DMXL1: variants seen among roughly 807,000 people sequenced by gnomAD.
DMXL1 encodes Dmx like 1.
DMXL1 carries 99 observed loss-of-function variants against 319.2 expected under a neutral mutation model. The ratio of observed to expected loss-of-function variants is 0.31; its 90% confidence interval spans 0.26 to 0.37. DMXL1 has a LOEUF of 0.37. Ranked by LOEUF, DMXL1 falls within the 10% of genes least tolerant of loss-of-function variation. The pLI is 1.00. For missense variants in DMXL1, 3,745 were observed against 3,595.6 expected, an observed-to-expected ratio of 1.04 and a Z score of -1.06; for synonymous variants, 1,385 against 1,235.2, an observed-to-expected ratio of 1.12 and a Z score of -2.54.
intron 19 of DMXL1, among the ~76,000 whole-genome samples, chr5:119,163,535 G>C (rs992014915): frequency 3.3e-5 from 5 of 152,272 alleles, no homozygotes; most frequent in Admixed American, 3.3e-4. Flanking sequence ...TTCTGCCTCA[G>C]CTTCTTGAGT....
intron 19 of DMXL1, among the ~76,000 whole-genome samples, chr5:119,158,560 C>T (rs1226666762): frequency 5.3e-5 from 8 of 152,164 alleles, no homozygotes; most frequent in Non-Finnish European, 1.2e-4. Context: ...TGTCCTCTTT[C>T]TGATCTTAGA....
chr5:119,226,412 C>T (rs1180890795), intron 38 of DMXL1, among the ~76,000 whole-genome samples: 1 of 152,078 alleles, frequency 6.6e-6, no homozygotes, highest in Non-Finnish European at 1.5e-5. Flanking sequence ...GTTTTCTTTC[C>T]TTGGAATAGA....
intron 5 of DMXL1, among the ~76,000 whole-genome samples, chr5:119,111,517 A>G (rs1759590952): frequency 6.6e-6 from 1 of 152,204 alleles, no homozygotes; most frequent in African/African-American, 2.4e-5. Flanking sequence ...AACATTTGTC[A>G]TTTATGTTAT....
Position 119,071,634 on chromosome 5 carries a change from G to T in DMXL1, c.65G>T (p.Ser22Ile). The T allele has an allele frequency of 6.3e-7, 1 of 1,597,338 alleles. No individual in the cohort carries two copies. The highest frequency in any genetic ancestry group is 8.5e-7 in the Non-Finnish European group (1 of 1,172,456). The change falls in exon 1 of 44, where the codon AGC (serine) becomes ATC (isoleucine). Residue 22 changes from serine to isoleucine, a missense_variant. Ser to Ile is a moderately radical substitution (Grantham distance 142, BLOSUM62 -2). This residue lies in a region of DMXL1 where 2,096 missense variants were observed against 1,985.4 expected (regional missense o/e 1.06). Transcript: ENST00000539542. Reference protein sequence around the residue: ...NPGDHCFSVGSIGDQRFTAYA... With the variant: ...NPGDHCFSVGIIGDQRFTAYA... ...GGCGACCACTGCTTCTCCGTGGGCA[G>T]CATTGGCGACCAGCGCTTCACGGTG...
At chr5:119,172,470 C>T (rs1388021377) in intron 25 of DMXL1, among the ~76,000 whole-genome samples, 1 of 152,126 alleles carries the variant, frequency 6.6e-6, no homozygotes, top group African/African-American at 2.4e-5. Flanking sequence ...TGTTAAAAGT[C>T]TGGATTCTCA....
chr5:119,190,556 A>T (rs1236841921), intron 29 of DMXL1, among the ~76,000 whole-genome samples: 1 of 152,204 alleles, frequency 6.6e-6, no homozygotes, highest in Non-Finnish European at 1.5e-5. Flanking sequence ...GATAGTGTAC[A>T]AAATTGGATT....
intron 4 of DMXL1, among the ~76,000 whole-genome samples, chr5:119,109,553 C>G (rs1029128041): frequency 6.6e-6 from 1 of 152,168 alleles, no homozygotes; most frequent in African/African-American, 2.4e-5. Flanking sequence ...TTTTTTCTAG[C>G]CTATCTGTGT....
chr5:119,232,435 C>T (rs562432460), intron 38 of DMXL1, among the ~76,000 whole-genome samples: 18 of 152,090 alleles, frequency 1.2e-4, no homozygotes, highest in African/African-American at 4.1e-4. Context: ...TTTTTTACTA[C>T]CTCCATACCA....
chr5:119,112,695 G>A (rs1023432749), intron 5 of DMXL1, among the ~76,000 whole-genome samples: 9 of 152,108 alleles, frequency 5.9e-5, no homozygotes, highest in African/African-American at 2.2e-4. Flanking sequence ...GGTGGCTCAC[G>A]CCTGTAATCT....
chr5:119,217,317 A>C (rs1019030812), intron 35 of DMXL1, among the ~76,000 whole-genome samples: 1 of 152,176 alleles, frequency 6.6e-6, no homozygotes, highest in Non-Finnish European at 1.5e-5. Context: ...GAATATGTCA[A>C]ATGTGGTTCT....
At chr5:119,109,078 G>A (rs1031570484) in intron 4 of DMXL1, among the ~76,000 whole-genome samples, 1 of 152,164 alleles carries the variant, frequency 6.6e-6, no homozygotes, top group Non-Finnish European at 1.5e-5. Context: ...TGGGATTGCA[G>A]GTGTGAGCCA....
chr5:119,216,824 A>G, intron 34 of DMXL1, 77 bp from the exon 35 acceptor site: 3 of 759,628 alleles, frequency 3.9e-6, no homozygotes, highest in Admixed American at 2.3e-5. Context: ...TGCAAGTACT[A>G]ATTGATAGAT....
chr5:119,165,109 A>G, intron 20 of DMXL1, 74 bp from the exon 21 acceptor site: 1 of 858,244 alleles, frequency 1.2e-6, no homozygotes, highest in South Asian at 1.5e-5. Flanking sequence ...GATATGTGCC[A>G]GCCTTTCATA....
chr5:119,180,092 T>A (rs60504316), intron 28 of DMXL1, among the ~76,000 whole-genome samples: 60,368 of 152,024 alleles, frequency 0.4, 14,416 homozygotes, highest in East Asian at 0.95. Flanking sequence ...TGCCAACCCC[T>A]GCTTTACAAG....
At chr5:119,125,154 G>A (rs530881696) in intron 9 of DMXL1, among the ~76,000 whole-genome samples, 95 of 152,166 alleles carry the variant, frequency 6.2e-4, no homozygotes, top group Non-Finnish European at 1.1e-3. Context: ...ACATTGTTAT[G>A]TGAATTTTTG....
chr5:119,088,783 C>T (rs1219157230), intron 1 of DMXL1, among the ~76,000 whole-genome samples: 2 of 152,096 alleles, frequency 1.3e-5, no homozygotes, highest in Non-Finnish European at 2.9e-5. Flanking sequence ...GCTATACTCA[C>T]ATTTTTGGCT....
At chr5:119,093,551 G>T (rs1755271622) in intron 1 of DMXL1, among the ~76,000 whole-genome samples, 3 of 152,138 alleles carry the variant, frequency 2.0e-5, no homozygotes, top group South Asian at 4.1e-4. Context: ...GAGACACAAT[G>T]ATATAGAAAT....
At chr5:119,198,392 G>A (rs902498566) in intron 32 of DMXL1, among the ~76,000 whole-genome samples, 1 of 152,120 alleles carries the variant, frequency 6.6e-6, no homozygotes, top group Non-Finnish European at 1.5e-5. Context: ...TAGACAACAT[G>A]TACACAAATA....
At chr5:119,193,793 T>G in intron 29 of DMXL1, 35 bp from the exon 30 acceptor site, 1 of 1,594,402 alleles carries the variant, frequency 6.3e-7, no homozygotes, top group Non-Finnish European at 8.6e-7. Context: ...AAATTAGATA[T>G]GTGGCTGCTA....
Sources: gnomAD v4.1 joint callset for allele counts (sites outside exome capture counted in the v4.1 genomes callset) on GRCh38, gnomAD v4.1.1 for gene constraint, gnomAD v4.1.1 regional missense constraint, MANE v1.5 for transcripts, NCBI Gene and HGNC (gene_info 2026-07-23, HGNC 2026-07-21) for gene names.